Variants in GNPTAB observed in about 807,000 individuals in gnomAD.
The protein encoded by GNPTAB is N-acetylglucosamine-1-phosphotransferase subunits alpha/beta.
In GNPTAB, 92 loss-of-function variants were observed where a neutral mutation model predicts 136.6. That is an observed-to-expected ratio of 0.67 (90% CI 0.57 to 0.80). The LOEUF (loss-of-function observed/expected upper bound fraction) is 0.80. Among genes scored for constraint, GNPTAB ranks in the 30% least tolerant of loss-of-function variants. GNPTAB has a pLI of 0.00. For synonymous variants in GNPTAB, 512 were observed against 535.1 expected (o/e 0.96, Z 0.60); for missense variants, 1,343 against 1,501.8 (o/e 0.89, Z 1.75).
intron 2 of GNPTAB, among the ~76,000 whole-genome samples, chr12:101,794,057 G>A (rs113091162): frequency 0.01 from 1,561 of 152,216 alleles, 21 homozygotes; most frequent in African/African-American, 0.036. Flanking sequence ...TGGCCAGGCT[G>A]GTCTTGAACT....
chr12:101,763,088 G>A (rs1470750182), intron 13 of GNPTAB, among the ~76,000 whole-genome samples: 2 of 151,880 alleles, frequency 1.3e-5, no homozygotes, highest in Non-Finnish European at 2.9e-5. Context: ...CAGGCATGCT[G>A]GCACATGCCT....
chr12:101,757,448 GCAAA>G (rs1291729759), intron 17 of GNPTAB, 120 bp downstream of exon 17: 6 of 762,158 alleles, frequency 7.9e-6, no homozygotes, highest in Non-Finnish European at 1.4e-5. Flanking sequence ...TACTACTACA[GCAAA>G]CAATCTCATA....
Position 101,747,230 on chromosome 12 carries a change from A to C in GNPTAB, c.3705T>G (p.Leu1235=). ...TCCTTCTGGGAAATATCTTCCGCTTAAGTGCAATTAACTAAATGATGAAAG... is the reference window on the plus strand; with the variant it reads ...TCCTTCTGGGAAATATCTTCCGCTTCAGTGCAATTAACTAAATGATGAAAG... The part of the protein sequence containing the change: ...FSFFAEQLIA[L]KRKIFPRRRI... The change falls in exon 21 of 21, where the codon CTT becomes CTG. Residue 1235 remains leucine, a synonymous_variant. Transcript: ENST00000299314. 6.4e-7 allele frequency: 1 copy of C among 1,569,838 alleles called. No individual in the cohort carries two copies. The highest frequency in any genetic ancestry group is 8.8e-7 in the Non-Finnish European group (1 of 1,139,638).
chr12:101,771,611 C>T (rs1365536251), intron 7 of GNPTAB, among the ~76,000 whole-genome samples: 1 of 152,166 alleles, frequency 6.6e-6, no homozygotes, highest in Non-Finnish European at 1.5e-5. Flanking sequence ...AGACCAGATG[C>T]ATTTCCCAAA....
At chr12:101,748,741 G>A (rs569071055) in intron 20 of GNPTAB, among the ~76,000 whole-genome samples, 2 of 152,202 alleles carry the variant, frequency 1.3e-5, no homozygotes, top group South Asian at 4.1e-4. Flanking sequence ...TCAAGGAAGC[G>A]TGAAAGAGAG....
chr12:101,764,118 A>C lies in GNPTAB; in HGVS notation c.2715+84T>G, dbSNP rs1003709431. Reference sequence around the variant, plus strand: ...CCATGGCCGGCACAGGGAAGTGCTGAATAAATGGTAGCTATAATGATATTA... The same window carrying C: ...CCATGGCCGGCACAGGGAAGTGCTGCATAAATGGTAGCTATAATGATATTA... On this transcript the variant is annotated intron_variant, in intron 13 of 20. Coordinates refer to ENST00000299314, the MANE Select transcript of GNPTAB (RefSeq NM_024312.5). 9 of 1,581,486 alleles carry C rather than the reference A, an allele frequency of 5.7e-6. No homozygotes were observed. The African/African-American group carries it at 1.2e-4, about 21-fold the overall frequency.
chr12:101,768,291 C>A, intron 10 of GNPTAB, 131 bp from the exon 11 acceptor site: 1 of 973,696 alleles, frequency 1.0e-6, no homozygotes, highest in Non-Finnish European at 1.5e-6. Context: ...GCTCAGCGTT[C>A]ACACTCACAA....
chr12:101,784,409 C>CA (rs768768531), intron 5 of GNPTAB, among the ~76,000 whole-genome samples: 2 of 152,168 alleles, frequency 1.3e-5, no homozygotes, highest in East Asian at 1.9e-4. Context: ...GATCAACTGA[C>CA]AAAATCAAGG....
At chr12:101,751,935 A>G (rs1035796927) in intron 19 of GNPTAB, among the ~76,000 whole-genome samples, 2 of 152,154 alleles carry the variant, frequency 1.3e-5, no homozygotes, top group East Asian at 3.8e-4. Flanking sequence ...TGAGGATAAA[A>G]TGGACCTACT....
intron 1 of GNPTAB, among the ~76,000 whole-genome samples, chr12:101,813,837 T>C (rs1870365270): frequency 6.6e-6 from 1 of 151,942 alleles, no homozygotes; most frequent in Admixed American, 6.6e-5. Flanking sequence ...TCCCAGCACT[T>C]TGGGAGGTTG....
intron 6 of GNPTAB, 89 bp downstream of exon 6, chr12:101,780,468 T>A: frequency 8.8e-7 from 1 of 1,132,910 alleles, no homozygotes; most frequent in Non-Finnish European, 1.3e-6. Context: ...AAATAAACAT[T>A]AAAAAGATTC....
At chr12:101,794,668 A>G (rs988364508) in intron 2 of GNPTAB, among the ~76,000 whole-genome samples, 2 of 152,214 alleles carry the variant, frequency 1.3e-5, no homozygotes, top group Non-Finnish European at 2.9e-5. Flanking sequence ...ATCAAACTAT[A>G]TTTTAATGCA....
At chr12:101,748,648 T>C (rs549578807) in intron 20 of GNPTAB, among the ~76,000 whole-genome samples, 4 of 152,034 alleles carry the variant, frequency 2.6e-5, no homozygotes, top group South Asian at 2.1e-4. Context: ...CTCCTAGCGA[T>C]TGAAAGAAAG....
Position 101,765,006 on chromosome 12 carries a change from C to T in GNPTAB, c.1911G>A (p.Glu637=). The change falls in exon 13 of 21, where the codon GAG becomes GAA. Residue 637 remains glutamate, a synonymous_variant. Coordinates refer to ENST00000299314, the MANE Select transcript of GNPTAB (RefSeq NM_024312.5). Reference sequence around the variant, plus strand: ...GGGCTGTAGAATTCAGTTTTGGTCCCTCCCTTGTGTCCACCTCCACTGTTA... The same window carrying T: ...GGGCTGTAGAATTCAGTTTTGGTCCTTCCCTTGTGTCCACCTCCACTGTTA... ...MQITVEVDTR[E]GPKLNSTAQK... is the part of the protein sequence containing the mutation. The T allele has an allele frequency of 6.2e-7, 1 of 1,614,158 alleles. No individual in the cohort carries two copies. The highest frequency in any genetic ancestry group is 1.1e-5 in the South Asian group (1 of 91,080).
chr12:101,758,998 G>A (rs1952946552), intron 16 of GNPTAB, among the ~76,000 whole-genome samples: 1 of 152,130 alleles, frequency 6.6e-6, no homozygotes, highest in Admixed American at 6.5e-5. Context: ...TATGTACTTG[G>A]AGGATTTTTA....
intron 9 of GNPTAB, 25 bp downstream of exon 9, chr12:101,770,381 T>C (rs765798399): frequency 3.2e-6 from 5 of 1,550,526 alleles, no homozygotes; most frequent in Non-Finnish European, 4.5e-6. Context: ...AATCACAGTC[T>C]TGTAATTTTT....
At chr12:101,810,422 T>TACAC (rs1246778200) in intron 1 of GNPTAB, 1 of 94,436 alleles carries the variant, frequency 1.1e-5, no homozygotes, top group Admixed American at 1.1e-4. Context: ...TATATATATA[T>TACAC]ACACACACAT....
intron 7 of GNPTAB, 46 bp from the exon 8 acceptor site, chr12:101,771,203 G>C (rs1179235221): frequency 6.6e-7 from 1 of 1,508,594 alleles, no homozygotes; most frequent in Non-Finnish European, 9.2e-7. Context: ...TGAATCTCAA[G>C]GATGAAGCAC....
intron 1 of GNPTAB, among the ~76,000 whole-genome samples, chr12:101,818,321 C>A (rs753526803): frequency 1.2e-4 from 19 of 152,064 alleles, no homozygotes; most frequent in Non-Finnish European, 2.6e-4. Context: ...TGTCCACCTC[C>A]CTGCCTGGAC....
Sources: allele counts gnomAD v4.1 joint callset (sites outside exome capture counted in the v4.1 genomes callset), GRCh38; gene constraint gnomAD v4.1.1; transcripts MANE v1.5; gene names NCBI Gene and HGNC (gene_info 2026-07-23, HGNC 2026-07-21).